Variants in PARD3B observed in about 807,000 individuals in gnomAD.
The protein encoded by PARD3B is partitioning defective 3 homolog B.
In PARD3B, 103 loss-of-function variants were observed where a neutral mutation model predicts 130.2. That is an observed-to-expected ratio of 0.79 (90% confidence interval 0.67 to 0.93). PARD3B has a LOEUF of 0.93. Among genes scored for constraint, PARD3B ranks in the 40% least tolerant of loss-of-function variants. The probability of loss-of-function intolerance (pLI) is 0.00; values close to 1 mark genes in which losing one functional copy is unlikely to be tolerated. For missense variants in PARD3B, 1,609 were observed against 1,499.2 expected, an observed-to-expected ratio of 1.07 and a Z score of -1.21; for synonymous variants, 583 against 553.2, an observed-to-expected ratio of 1.05 and a Z score of -0.76.
intron 1 of PARD3B, among the ~76,000 whole-genome samples, chr2:204,679,657 G>A (rs1387272308): frequency 6.6e-6 from 1 of 150,710 alleles, no homozygotes; most frequent in African/African-American, 2.5e-5. Flanking sequence ...TATTGTAAAT[G>A]TTACAATTTT....
intron 22 of PARD3B, among the ~76,000 whole-genome samples, chr2:205,567,214 G>T (rs185887060): frequency 9.3e-5 from 14 of 150,940 alleles, no homozygotes; most frequent in Admixed American, 4.0e-4. Context: ...AGGGAGGATA[G>T]AGAGGAAGGG....
intron 11 of PARD3B, 137 bp downstream of exon 11, chr2:205,159,044 T>G: frequency 1.1e-6 from 1 of 878,382 alleles, no homozygotes; most frequent in Non-Finnish European, 1.7e-6. Context: ...AAAATATATG[T>G]GTGAACAGAT....
chr2:205,202,983 A>G (rs954437016), intron 15 of PARD3B, among the ~76,000 whole-genome samples: 3 of 152,126 alleles, frequency 2.0e-5, no homozygotes, highest in African/African-American at 2.4e-5. Flanking sequence ...TGGGGCCACA[A>G]ATGGTCTCAA....
intron 22 of PARD3B, among the ~76,000 whole-genome samples, chr2:205,581,939 T>C (rs1208813009): frequency 6.6e-6 from 1 of 152,172 alleles, no homozygotes; most frequent in Non-Finnish European, 1.5e-5. Context: ...GTTCCCTTGG[T>C]TCCCAGATGG....
At chr2:205,513,242 G>A (rs904424605) in intron 21 of PARD3B, among the ~76,000 whole-genome samples, 13 of 151,978 alleles carry the variant, frequency 8.6e-5, no homozygotes, top group Non-Finnish European at 1.3e-4. Flanking sequence ...AGAACAAATC[G>A]CTATGGGCTT....
At chr2:205,202,394 T>C (rs2037043074) in intron 15 of PARD3B, among the ~76,000 whole-genome samples, 1 of 152,220 alleles carries the variant, frequency 6.6e-6, no homozygotes, top group African/African-American at 2.4e-5. Context: ...CTGCTGTATT[T>C]TTGCATTCCC....
At chr2:204,920,377 A>T (rs371908352) in intron 2 of PARD3B, among the ~76,000 whole-genome samples, 1 of 152,200 alleles carries the variant, frequency 6.6e-6, no homozygotes, top group Admixed American at 6.5e-5. Flanking sequence ...TCAAGAAGCA[A>T]ACCACCAAGG....
chr2:204,652,292 C>T (rs956841409), intron 1 of PARD3B, among the ~76,000 whole-genome samples: 15 of 152,274 alleles, frequency 9.9e-5, no homozygotes, highest in East Asian at 7.7e-4. Flanking sequence ...TGAATGCACA[C>T]GACTGTATGC....
chr2:205,457,127 C>CT lies in PARD3B; in HGVS notation c.3044+16461dup, dbSNP rs905567890. Among the ~76,000 whole-genome samples the CT allele has an allele frequency of 2.5e-3, 386 of 151,686 alleles. 1 individual carries two copies. The highest frequency in any genetic ancestry group is 8.7e-3 in the African/African-American group (360 of 41,442). ...TGAAATCATCTGGGCCTGGAGAGTT[C>CT]TTTTTTATGAGGTTTTTAATTATGA... On this transcript the variant is annotated intron_variant, in intron 20 of 22. Transcript: ENST00000406610.
intron 18 of PARD3B, among the ~76,000 whole-genome samples, chr2:205,379,149 CA>C (rs2045203959): frequency 6.6e-6 from 1 of 152,056 alleles, no homozygotes; most frequent in Non-Finnish European, 1.5e-5. Flanking sequence ...GAATTTGAAA[CA>C]CATGAGCAAT....
intron 1 of PARD3B, among the ~76,000 whole-genome samples, chr2:204,635,406 G>A (rs1378757091): frequency 1.3e-5 from 2 of 152,126 alleles, no homozygotes; most frequent in Non-Finnish European, 2.9e-5. Flanking sequence ...ACATATGTAT[G>A]TCTTGAATTG....
rs1378193790 is a variant in PARD3B, at chr2:204,623,848, C to G, written c.121-62333C>G. ...CCCAACTAACAGCCACCATTATACT[C>G]TGTGCTTCTATGTGTTTGAGTACTT... On this transcript the variant is annotated intron_variant, in intron 1 of 22. Coordinates refer to ENST00000406610, the MANE Select transcript of PARD3B (RefSeq NM_001302769.2). The surrounding 1 kb of genome is among the most constrained non-coding windows in gnomAD (Gnocchi z 4.5). 6.6e-6 allele frequency among the ~76,000 whole-genome samples: 1 copy of G among 152,172 alleles called. No individual in the cohort carries two copies. Among genetic ancestry groups the G allele is most frequent in the Non-Finnish European group, 1.5e-5 (1 of 68,018 alleles).
chr2:204,622,831 T>C (rs1037223793), intron 1 of PARD3B, among the ~76,000 whole-genome samples: 1 of 152,304 alleles, frequency 6.6e-6, no homozygotes, highest in Non-Finnish European at 1.5e-5. Context: ...TAGTGTATTA[T>C]CAGTAAACAT....
chr2:204,936,496 A>G (rs933949702), intron 2 of PARD3B, among the ~76,000 whole-genome samples: 1 of 152,222 alleles, frequency 6.6e-6, no homozygotes, highest in African/African-American at 2.4e-5. Context: ...ACAGTTACCA[A>G]CAACTCATAG....
At position 205,419,967 on chromosome 2, in the gene PARD3B, A is replaced by G. The variant is rs143436593; in HGVS notation, c.2741+18844A>G. Among the ~76,000 whole-genome samples the G allele has an allele frequency of 2.5e-3, 377 of 152,336 alleles. 7 individuals carry two copies. Among genetic ancestry groups the G allele is most frequent in the African/African-American group, 8.7e-3 (361 of 41,588 alleles). ...GGCTAAAGCAAATTAAAGGATTCAT[A>G]TATTTTCGAAAGATTTGCGGCCAAG... On this transcript the variant is annotated intron_variant, in intron 19 of 22. Coordinates refer to ENST00000406610, the MANE Select transcript of PARD3B (RefSeq NM_001302769.2).
In PARD3B at chr2:204,701,254, C is replaced by G. The variant is rs2037878592; in HGVS notation, c.222+14972C>G. ...ATAATTCTGATAAATACTCTATTTACTGTAATTAAAATGTAAAAGCAAGAT... is the reference window on the plus strand; with the variant it reads ...ATAATTCTGATAAATACTCTATTTAGTGTAATTAAAATGTAAAAGCAAGAT... On this transcript the variant is annotated intron_variant, in intron 2 of 22. Transcript: ENST00000406610. 1.3e-5 allele frequency among the ~76,000 whole-genome samples: 2 copies of G among 152,020 alleles called. 1 individual carries two copies. Among genetic ancestry groups the G allele is most frequent in the South Asian group, 4.1e-4 (2 of 4,832 alleles).
chr2:205,164,765 T>TC (rs1404916890), intron 11 of PARD3B, among the ~76,000 whole-genome samples: 6 of 151,458 alleles, frequency 4.0e-5, no homozygotes, highest in Non-Finnish European at 8.8e-5. Context: ...ATAGTAACTT[T>TC]CCCCTGAAAA....
At chr2:205,442,548 A>T (rs532891565) in intron 20 of PARD3B, among the ~76,000 whole-genome samples, 11 of 152,004 alleles carry the variant, frequency 7.2e-5, no homozygotes, top group Admixed American at 7.2e-4. Flanking sequence ...TGATCCACCC[A>T]CCTCGGCATC....
Position 204,907,766 on chromosome 2 carries a change from A to G in PARD3B, c.223-57386A>G, listed in dbSNP as rs576910959. ...ACCCAGGCTAGAGTACAGTGTTGCA[A>G]TCTTGGCTCACTGCAACCTCCGCCT... On this transcript the variant is annotated intron_variant, in intron 2 of 22. Transcript: ENST00000406610. This position sits in a 1 kb window ranked among gnomAD's most constrained non-coding sequence, Gnocchi z 5.7. Among the ~76,000 whole-genome samples the G allele has an allele frequency of 7.2e-5, 11 of 152,166 alleles. No homozygotes were observed. Among genetic ancestry groups the G allele is most frequent in the Non-Finnish European group, 1.3e-4 (9 of 67,996 alleles).
Sources: gnomAD v4.1 joint callset for allele counts (sites outside exome capture counted in the v4.1 genomes callset) on GRCh38, gnomAD v4.1.1 for gene constraint, Gnocchi (gnomAD v3.1) non-coding constraint, MANE v1.5 for transcripts, NCBI Gene and HGNC (gene_info 2026-07-23, HGNC 2026-07-21) for gene names.